CFAP73: variants seen among roughly 807,000 people sequenced by gnomAD.
CFAP73 encodes the protein cilia and flagella associated protein 73.
CFAP73 carries 33 observed loss-of-function variants against 42.9 expected under a neutral mutation model. The observed-to-expected ratio is 0.77, with a 90% CI of 0.58 to 1.03. The LOEUF is 1.03. Among genes scored for constraint, CFAP73 ranks in the 50% least tolerant of loss-of-function variants. The probability of loss-of-function intolerance (pLI) is 0.00; values close to 1 mark genes in which losing one functional copy is unlikely to be tolerated. For synonymous variants in CFAP73, 162 were observed against 186.8 expected, an observed-to-expected ratio of 0.87 and a Z score of 1.08; for missense variants, 392 against 411.9, an observed-to-expected ratio of 0.95 and a Z score of 0.42.
chr12:113,154,739 C>T lies in CFAP73; in HGVS notation c.690+104C>T. 1 of 1,351,986 alleles carries T rather than the reference C, an allele frequency of 7.4e-7. No homozygotes were observed. The highest frequency in any genetic ancestry group is 1.9e-5 in the South Asian group (1 of 52,476). 83.7% of individuals were successfully genotyped at this position (1,351,986 alleles called of 1,614,324 possible). Reference sequence around the variant, plus strand: ...AGGACCGATGGGGCAATGCTTACCCCAGAGGGTCCGCTGCACTAAGGAGGG... The same window carrying T: ...AGGACCGATGGGGCAATGCTTACCCTAGAGGGTCCGCTGCACTAAGGAGGG... On this transcript the variant is annotated intron_variant, in intron 5 of 7. Coordinates refer to ENST00000335621, the MANE Select transcript of CFAP73 (RefSeq NM_001144872.3). This position sits in a 1 kb window ranked among gnomAD's most constrained non-coding sequence, Gnocchi z 4.7.
At chr12:113,151,814 A>T in intron 1 of CFAP73, 104 bp from the exon 2 acceptor site, 1 of 691,766 alleles carries the variant, frequency 1.4e-6, no homozygotes, top group Non-Finnish European at 2.4e-6. Context: ...AAAAAAAATT[A>T]AACAGCCAGC....
intron 4 of CFAP73, among the ~76,000 whole-genome samples, 197 bp downstream of exon 4, chr12:113,153,605 G>GT (rs376458755): frequency 1.3e-5 from 2 of 152,104 alleles, no homozygotes; most frequent in Non-Finnish European, 2.9e-5. Flanking sequence ...AGTTTTGGAG[G>GT]TTTTTTGAGA....
rs1290515673 is a variant in CFAP73 at position 113,155,318 on chromosome 12, G to A, written c.749G>A (p.Arg250His). The A allele has an allele frequency of 1.9e-6, 3 of 1,550,746 alleles. No individual in the cohort carries two copies. The highest frequency in any genetic ancestry group is 1.7e-6 in the Non-Finnish European group (2 of 1,146,368). Reference protein sequence around the residue: ...TAAEKTLLLGRSRMAVLNLFQ... With the variant: ...TAAEKTLLLGHSRMAVLNLFQ... ...GCGGAGAAGACTCTGCTCCTGGGAC[G>A]CAGCAGGATGGCTGTGCTCAACCTG... The change falls in exon 6 of 8, where the codon CGC (arginine) becomes CAC (histidine). Residue 250 changes from arginine (R) to histidine (H), a missense_variant. By Grantham distance (29) the Arg-to-His change is conservative (BLOSUM62 0). Transcript: ENST00000335621.
chr12:113,150,147 C>T (rs891158062), intron 1 of CFAP73, among the ~76,000 whole-genome samples: 2 of 152,146 alleles, frequency 1.3e-5, no homozygotes, highest in African/African-American at 4.8e-5. Flanking sequence ...GAGATTAAAT[C>T]ATTCAAACCA....
Position 113,149,835 on chromosome 12 carries a change from A to C in CFAP73, c.-23A>C. 1 of 1,551,154 alleles carries C rather than the reference A, an allele frequency of 6.4e-7. No homozygotes were observed. Among genetic ancestry groups the C allele is most frequent in the Non-Finnish European group, 8.7e-7 (1 of 1,146,632 alleles). ...TGCAAAACTCCAGCTGGTGGAAAGA[A>C]AGCTGGGGCAACTGCCAGAAGGATG... On this transcript the variant is annotated 5_prime_UTR_variant, in exon 1 of 8. Transcript: ENST00000335621.
Position 113,153,291 on chromosome 12 carries a change from G to A in CFAP73, c.351G>A (p.Leu117=). ...CGGGCCGTCGGGAGGTGGAGGCGCT[G>A]CGTCTGTGGACCCAGCTCCAGGAGC... ...HQAGRREVEA[L]RLWTQLQELR... is the part of the protein sequence containing the mutation. Residue 117 remains leucine (L), a synonymous_variant, in exon 4 of 8, where the codon CTG becomes CTA. Transcript: ENST00000335621. The A allele has an allele frequency of 6.6e-7, 1 of 1,521,684 alleles. No homozygotes were observed. The highest frequency in any genetic ancestry group is 8.8e-7 in the Non-Finnish European group (1 of 1,140,118). The allele number at this position is 1,521,684 out of a possible 1,614,324, so 94.3% of individuals were successfully genotyped here.
In CFAP73 at chr12:113,154,264, C is replaced by T; in HGVS notation, c.469-150C>T. 6.1e-6 allele frequency: 6 copies of T among 975,782 alleles called. No individual in the cohort carries two copies. The highest frequency in any genetic ancestry group is 7.6e-6 in the Non-Finnish European group (5 of 661,184). The allele number at this position is 975,782 out of a possible 1,614,324, so 60.4% of individuals were successfully genotyped here. ...CTGCACTCCAGCCCAGGTGACAGAG[C>T]GAGACCTTGTCTCTAACAAATGGAG... On this transcript the variant is annotated intron_variant, in intron 4 of 7. Coordinates refer to ENST00000335621, the MANE Select transcript of CFAP73 (RefSeq NM_001144872.3). This position sits in a 1 kb window ranked among gnomAD's most constrained non-coding sequence, Gnocchi z 4.7.
At chr12:113,153,540 C>G (rs1952086133) in intron 4 of CFAP73, 132 bp downstream of exon 4, 1 of 745,514 alleles carries the variant, frequency 1.3e-6, no homozygotes, top group Non-Finnish European at 2.0e-6. Context: ...CGAGAACTAT[C>G]ACTTATGGAG....
At chr12:113,151,134 G>A (rs1952058145) in intron 1 of CFAP73, among the ~76,000 whole-genome samples, 1 of 152,134 alleles carries the variant, frequency 6.6e-6, no homozygotes, top group Non-Finnish European at 1.5e-5. Context: ...TGCACCCCCA[G>A]TGCCTACAAG....
rs755167750 is a variant in CFAP73 at position 113,149,886 on chromosome 12, G to T, written c.29G>T (p.Arg10Leu). MAVPWEEYF[R>L]LALQEKLSTK... ...GCGGTGCCCTGGGAGGAATATTTCC[G>T]ACTGGCTTTGCAAGAGAAACTGTCT... The change falls in exon 1 of 8, where the codon CGA becomes CTA. Residue 10 changes from arginine (R) to leucine (L), a missense_variant. By Grantham distance (102) the Arg-to-Leu change is moderately radical (BLOSUM62 -2). Coordinates refer to ENST00000335621, the MANE Select transcript of CFAP73 (RefSeq NM_001144872.3). 40 of 1,551,428 alleles carry T rather than the reference G, an allele frequency of 2.6e-5. No homozygotes were observed. The highest frequency in any genetic ancestry group is 5.5e-5 in the African/African-American group (4 of 73,056).
chr12:113,157,439 T>G (rs1479860057), intron 6 of CFAP73, 163 bp from the exon 7 acceptor site: 1 of 634,622 alleles, frequency 1.6e-6, no homozygotes, highest in Non-Finnish European at 2.8e-6. Context: ...CAGAACGGTT[T>G]AGGATCTCAG....
intron 3 of CFAP73, 27 bp downstream of exon 3, chr12:113,152,914 C>CTCCTATA: frequency 2.7e-6 from 4 of 1,481,134 alleles, no homozygotes; most frequent in Non-Finnish European, 3.7e-6. Context: ...GGGGGGGAGG[C>CTCCTATA]GGGGCCTATG....
At chr12:113,152,052 T>C in intron 2 of CFAP73, 29 bp downstream of exon 2, 1 of 1,488,482 alleles carries the variant, frequency 6.7e-7, no homozygotes. Flanking sequence ...AACGAGGTGG[T>C]GAGCTGGTGG....
At chr12:113,157,748 C>A in intron 7 of CFAP73, 58 bp downstream of exon 7, 5 of 1,266,436 alleles carry the variant, frequency 3.9e-6, no homozygotes, top group African/African-American at 1.5e-5. Context: ...CCCACATTTC[C>A]AATGGGGTGT....
In CFAP73 at chr12:113,152,821, G is replaced by T. The variant is rs1413769016; in HGVS notation, c.201G>T (p.Trp67Cys). 3.2e-6 allele frequency: 5 copies of T among 1,551,596 alleles called. No individual in the cohort carries two copies. Among genetic ancestry groups the T allele is most frequent in the Non-Finnish European group, 4.4e-6 (5 of 1,147,002 alleles). Residue 67 changes from tryptophan to cysteine, a missense_variant, in exon 3 of 8, where the codon TGG (tryptophan) becomes TGT (cysteine). Trp to Cys is a radical substitution (Grantham distance 215). Transcript: ENST00000335621. ...AGACGGCAGCCCTGAAACAGCGTTG[G>T]GAACAGCTGGAACAAAAGGAGCGGG... is the stretch of plus-strand genomic sequence containing the variant. Reference protein sequence around the residue: ...RTKTAALKQRWEQLEQKEREL... With the variant: ...RTKTAALKQRCEQLEQKEREL...
rs1044144882 is a variant in CFAP73, at chr12:113,154,440, G to A, written c.495G>A (p.Ala165=). 1.9e-6 allele frequency: 3 copies of A among 1,547,374 alleles called. No homozygotes were observed. Among genetic ancestry groups the A allele is most frequent in the Non-Finnish European group, 2.6e-6 (3 of 1,145,858 alleles). The change falls in exon 5 of 8, where the codon GCG becomes GCA. Residue 165 remains alanine, a synonymous_variant. Transcript: ENST00000335621. The surrounding 1 kb of genome is among the most constrained non-coding windows in gnomAD (Gnocchi z 4.7). ...PGFQEVPELV[A]RFDGLAETQA... is the part of the protein sequence containing the mutation. Reference sequence around the variant, plus strand: ...TCCAAGAGGTTCCGGAGCTGGTGGCGCGCTTCGACGGCCTGGCCGAGACGC... The same window carrying A: ...TCCAAGAGGTTCCGGAGCTGGTGGCACGCTTCGACGGCCTGGCCGAGACGC...
Position 113,158,978 on chromosome 12 carries a change from G to C in CFAP73, c.*289G>C. The C allele has an allele frequency of 6.2e-7, 1 of 1,611,332 alleles. No individual in the cohort carries two copies. Among genetic ancestry groups the C allele is most frequent in the Non-Finnish European group, 8.5e-7 (1 of 1,179,126 alleles). ...CGGCGGCGGTTGCGGGCAGAGAGCT[G>C]CTTGAGGCCACCACGCTGCAGGAAG... On this transcript the variant is annotated 3_prime_UTR_variant, in exon 8 of 8. Transcript: ENST00000335621. This position sits in a 1 kb window ranked among gnomAD's most constrained non-coding sequence, Gnocchi z 4.9.
Position 113,154,057 on chromosome 12 carries a change from G to A in CFAP73, c.469-357G>A, listed in dbSNP as rs1400558208. Among the ~76,000 whole-genome samples the A allele has an allele frequency of 6.6e-6, 1 of 152,130 alleles. No individual in the cohort carries two copies. The highest frequency in any genetic ancestry group is 1.5e-5 in the Non-Finnish European group (1 of 68,030). Reference sequence around the variant, plus strand: ...TCCCAACACTTTGGGGGGCCAAGGCGGGAGGATTGCTTGAAGCCAGGAGTT... The same window carrying A: ...TCCCAACACTTTGGGGGGCCAAGGCAGGAGGATTGCTTGAAGCCAGGAGTT... On this transcript the variant is annotated intron_variant, in intron 4 of 7. Coordinates refer to ENST00000335621, the MANE Select transcript of CFAP73 (RefSeq NM_001144872.3). This position sits in a 1 kb window ranked among gnomAD's most constrained non-coding sequence, Gnocchi z 4.7.
rs558666329 is a variant in CFAP73 at position 113,156,733 on chromosome 12, T to C, written c.850-869T>C. ...ACATGAGACTAGCAGAAACACAGGC[T>C]TGATGTAAACAGGCAAAAGTCAGTG... is the stretch of plus-strand genomic sequence containing the variant. On this transcript the variant is annotated intron_variant, in intron 6 of 7. Transcript: ENST00000335621. 4 of 152,300 alleles carry C rather than the reference T, an allele frequency of 2.6e-5. No homozygotes were observed. In the South Asian group the frequency reaches 8.3e-4, roughly 32 times the overall value. The allele number at this position is 152,300 out of a possible 1,614,324, so 9.4% of individuals were successfully genotyped here.
Sources: allele counts gnomAD v4.1 joint callset (sites outside exome capture counted in the v4.1 genomes callset), GRCh38; gene constraint gnomAD v4.1.1; non-coding constraint Gnocchi (gnomAD v3.1); transcripts MANE v1.5; gene names NCBI Gene and HGNC (gene_info 2026-07-23, HGNC 2026-07-21).